CEP89: variants seen among roughly 807,000 people sequenced by gnomAD.
CEP89 encodes the protein centrosomal protein of 89 kDa.
In CEP89, 95 loss-of-function variants were observed where a neutral mutation model predicts 97.6. That is an observed-to-expected ratio of 0.97 (90% CI 0.82 to 1.15). The LOEUF (loss-of-function observed/expected upper bound fraction) is 1.15. CEP89 is among the 50% of genes most tolerant of loss of function. CEP89 has a pLI of 0.00. For missense variants in CEP89, 869 were observed against 947.7 expected (o/e 0.92, Z 1.09); for synonymous variants, 354 against 349.1 (o/e 1.01, Z -0.16).
At chr19:32,969,593 G>C (rs1477787334) in intron 1 of CEP89, 1 of 152,442 alleles carries the variant, frequency 6.6e-6, no homozygotes, top group African/African-American at 2.4e-5. Flanking sequence ...GAGGGTGAAG[G>C]GGGCTGTCCT....
intron 16 of CEP89, 86 bp from the exon 17 acceptor site, chr19:32,887,927 ACTGCTC>A: frequency 1.3e-6 from 1 of 767,392 alleles, no homozygotes. Context: ...TGTTACTGCT[ACTGCTC>A]ACAATCTTCA....
At chr19:32,941,909 T>C (rs1006576778) in intron 5 of CEP89, among the ~76,000 whole-genome samples, 1 of 152,204 alleles carries the variant, frequency 6.6e-6, no homozygotes, top group Non-Finnish European at 1.5e-5. Context: ...TTTAAAGTGA[T>C]ACAATAAGAA....
At chr19:32,923,151 G>A (rs1430702920) in intron 12 of CEP89, among the ~76,000 whole-genome samples, 1 of 152,138 alleles carries the variant, frequency 6.6e-6, no homozygotes, top group Admixed American at 6.6e-5. Flanking sequence ...GACTCTCCAG[G>A]TCTGAGATGG....
At chr19:32,893,210 C>T (rs1196820046) in intron 16 of CEP89, among the ~76,000 whole-genome samples, 9 of 151,684 alleles carry the variant, frequency 5.9e-5, no homozygotes, top group African/African-American at 2.2e-4. Flanking sequence ...ATATTCCATG[C>T]AACTGGAAAC....
At chr19:32,890,270 T>G (rs756790331) in intron 16 of CEP89, among the ~76,000 whole-genome samples, 7 of 152,046 alleles carry the variant, frequency 4.6e-5, no homozygotes, top group Non-Finnish European at 8.8e-5. Context: ...TGTGGTGGCA[T>G]GCGCCTATAG....
At chr19:32,888,802 TTTTA>T (rs889678123) in intron 16 of CEP89, among the ~76,000 whole-genome samples, 25 of 151,898 alleles carry the variant, frequency 1.6e-4, no homozygotes, top group East Asian at 1.9e-4. Flanking sequence ...TTTCTTTTTG[TTTTA>T]TTTATTTATT....
intron 18 of CEP89, 77 bp downstream of exon 18, chr19:32,881,766 GC>G (rs1969285636): frequency 7.5e-7 from 1 of 1,340,172 alleles, no homozygotes; most frequent in Non-Finnish European, 1.0e-6. Flanking sequence ...AATAAAACAG[GC>G]CCAGAGGGTT....
intron 5 of CEP89, among the ~76,000 whole-genome samples, chr19:32,944,388 TGAG>T (rs1439251316): frequency 3.3e-5 from 5 of 151,990 alleles, no homozygotes; most frequent in Non-Finnish European, 7.4e-5. Context: ...GGGCCTAGAC[TGAG>T]GAGATGACGG....
intron 9 of CEP89, among the ~76,000 whole-genome samples, chr19:32,928,782 G>A (rs1044127591): frequency 6.6e-6 from 1 of 152,068 alleles, no homozygotes; most frequent in African/African-American, 2.4e-5. Flanking sequence ...ACGAATTCTA[G>A]TCTCCTCAGC....
chr19:32,916,008 G>A, intron 13 of CEP89, among the ~76,000 whole-genome samples: 1 of 151,992 alleles, frequency 6.6e-6, no homozygotes, highest in Non-Finnish European at 1.5e-5. Context: ...ACTAGGCACA[G>A]TGACTCATAC....
chr19:32,958,014 C>CCCCG (rs1555795364), intron 3 of CEP89, among the ~76,000 whole-genome samples: 6 of 89,510 alleles, frequency 6.7e-5, no homozygotes, highest in Admixed American at 2.4e-4. Flanking sequence ...ACAAAAAAAT[C>CCCCG]CCCCCCCCGC....
chr19:32,918,270 A>C lies in CEP89; in HGVS notation c.1338T>G (p.Ile446Met). ...GGCTGTCCTTGGCTTTCCTTTGCTG[A>C]ATCTCCAACTGCTCCAGCAACAACT... ...ENKLLLEQLE[I>M]QQRKAKDSHQ... Residue 446 changes from isoleucine to methionine, a missense_variant, in exon 13 of 19, where the codon ATT becomes ATG. Ile to Met is a conservative substitution (Grantham distance 10). Transcript: ENST00000305768. The C allele has an allele frequency of 6.2e-7, 1 of 1,614,152 alleles. No homozygotes were observed. Among genetic ancestry groups the C allele is most frequent in the South Asian group, 1.1e-5 (1 of 91,082 alleles).
At chr19:32,903,470 C>G (rs898821289) in intron 14 of CEP89, among the ~76,000 whole-genome samples, 1 of 152,064 alleles carries the variant, frequency 6.6e-6, no homozygotes, top group Non-Finnish European at 1.5e-5. Context: ...AAACATGCTC[C>G]TACATTTGAG....
In CEP89 at chr19:32,968,234, C is replaced by T. The variant is rs952932850; in HGVS notation, c.40-1768G>A. On this transcript the variant is annotated intron_variant, in intron 1 of 18. Transcript: ENST00000305768. ...CTGCCCCCCTCCACCACCTGCTACA[C>T]GACAAGAAATGGTTTTTGTTTGTTT... Among the ~76,000 whole-genome samples, 71 of 152,142 alleles carry T rather than the reference C, an allele frequency of 4.7e-4. 1 individual carries two copies. Among genetic ancestry groups the T allele is most frequent in the African/African-American group, 1.6e-3 (67 of 41,450 alleles).
chr19:32,886,400 A>G (rs536903259), intron 17 of CEP89, among the ~76,000 whole-genome samples: 1 of 151,094 alleles, frequency 6.6e-6, no homozygotes, highest in Non-Finnish European at 1.5e-5. Context: ...CCCATCTCCC[A>G]CTCTCTGAAT....
intron 2 of CEP89, among the ~76,000 whole-genome samples, chr19:32,964,842 A>G (rs951060008): frequency 5.9e-5 from 9 of 152,154 alleles, no homozygotes; most frequent in Non-Finnish European, 1.3e-4. Flanking sequence ...AATGATAGAT[A>G]TATTTATTAT....
At chr19:32,890,243 C>CA (rs1169671669) in intron 16 of CEP89, among the ~76,000 whole-genome samples, 4 of 152,004 alleles carry the variant, frequency 2.6e-5, no homozygotes, top group Non-Finnish European at 5.9e-5. Context: ...ACCTAAACTA[C>CA]AAAAAAATTA....
intron 16 of CEP89, among the ~76,000 whole-genome samples, chr19:32,898,854 C>A (rs1011015633): frequency 6.9e-6 from 1 of 145,814 alleles, no homozygotes; most frequent in Non-Finnish European, 1.5e-5. Flanking sequence ...TGCACTCCAG[C>A]CTGGGTGACA....
chr19:32,960,180 C>G, intron 2 of CEP89, 122 bp from the exon 3 acceptor site: 2 of 962,818 alleles, frequency 2.1e-6, no homozygotes, highest in Non-Finnish European at 3.1e-6. Context: ...AGCATTTACT[C>G]TGCACCCATC....
Sources: gnomAD v4.1 joint callset for allele counts (sites outside exome capture counted in the v4.1 genomes callset) on GRCh38, gnomAD v4.1.1 for gene constraint, MANE v1.5 for transcripts, NCBI Gene and HGNC (gene_info 2026-07-23, HGNC 2026-07-21) for gene names.